Variants in ZNF433 observed in about 807,000 individuals in gnomAD.
The protein encoded by ZNF433 is zinc finger protein 433.
A neutral mutation model predicts 10.6 loss-of-function variants in ZNF433; 12 were observed. The observed-to-expected ratio is 1.13, with a 90% CI of 0.72 to 1.83. The LOEUF (loss-of-function observed/expected upper bound fraction) is 1.83. ZNF433 is among the 40% of genes most tolerant of loss of function. The pLI is 0.00. For synonymous variants in ZNF433, 272 were observed against 271.3 expected (o/e 1.00, Z -0.02); for missense variants, 737 against 798.0 (o/e 0.92, Z 0.92).
chr19:12,033,673 T>C (rs1487302999), intron 1 of ZNF433, among the ~76,000 whole-genome samples: 1 of 150,752 alleles, frequency 6.6e-6, no homozygotes, highest in African/African-American at 2.4e-5. Flanking sequence ...ATACAAAAAA[T>C]TAGCCAGGCG....
chr19:12,022,199 AAAC>A (rs2145434890), intron 1 of ZNF433: 1 of 363,656 alleles, frequency 2.7e-6, no homozygotes, highest in Non-Finnish European at 5.7e-6. Flanking sequence ...CCTAAACCAC[AAAC>A]AATAGCGTAA....
intron 1 of ZNF433, chr19:12,024,561 T>G (rs1383173822): frequency 2.0e-5 from 3 of 152,230 alleles, no homozygotes; most frequent in African/African-American, 7.2e-5. Context: ...AGTAATCTGT[T>G]TTCTATCCTT....
At chr19:12,024,741 A>C (rs768495584) in intron 1 of ZNF433, 3 of 152,248 alleles carry the variant, frequency 2.0e-5, no homozygotes, top group Non-Finnish European at 4.4e-5. Context: ...ATTGTCCAAG[A>C]GCAGGACTTA....
chr19:12,021,924 G>A (rs575122088), intron 1 of ZNF433: 39 of 456,894 alleles, frequency 8.5e-5, no homozygotes, highest in African/African-American at 7.2e-4. Context: ...CTAGGGTAGA[G>A]CTTACCTCCT....
chr19:12,030,264 A>ACCTGCTATAGT (rs1248748571), intron 1 of ZNF433: 15 of 405,014 alleles, frequency 3.7e-5, no homozygotes, highest in Non-Finnish European at 6.3e-5. Context: ...CACCGTCACC[A>ACCTGCTATAGT]GGATGGAGTG....
At chr19:12,019,510 T>C (rs1285936338) in intron 1 of ZNF433, among the ~76,000 whole-genome samples, 4 of 152,172 alleles carry the variant, frequency 2.6e-5, no homozygotes, top group African/African-American at 9.7e-5. Context: ...TGGCTCAGCT[T>C]CTATGGAAAC....
intron 1 of ZNF433, among the ~76,000 whole-genome samples, chr19:12,030,733 T>C (rs1974977017): frequency 6.6e-6 from 1 of 152,148 alleles, no homozygotes; most frequent in Non-Finnish European, 1.5e-5. Flanking sequence ...ACTAAGCATT[T>C]GCAAGCACAA....
intron 1 of ZNF433, among the ~76,000 whole-genome samples, chr19:12,027,718 C>T (rs1295794998): frequency 3.3e-5 from 5 of 152,178 alleles, no homozygotes; most frequent in South Asian, 2.1e-4. Context: ...CCGTCAGCCC[C>T]GATTTGCCAC....
chr19:12,033,681 G>A (rs1002897112), intron 1 of ZNF433, among the ~76,000 whole-genome samples: 27 of 150,504 alleles, frequency 1.8e-4, no homozygotes, highest in African/African-American at 6.1e-4. Context: ...AATTAGCCAG[G>A]CGTGGTGACG....
In ZNF433 at chr19:12,026,914, T is replaced by C. The variant is rs981944735; in HGVS notation, c.4-8622A>G. 8 of 454,004 alleles carry C rather than the reference T, an allele frequency of 1.8e-5. No homozygotes were observed. In the East Asian group the frequency reaches 3.5e-4, roughly 20 times the overall value. 28.1% of individuals were successfully genotyped at this position (454,004 alleles called of 1,614,324 possible). A position where few individuals can be genotyped will look rare whatever the true frequency, so the allele number is the denominator to read the frequency against. On this transcript the variant is annotated intron_variant, in intron 1 of 3. Transcript: ENST00000550507. ...CAAGAGTTCCTATTATCTGGAAACA[T>C]GGTGGTATAGTGGCACCTCAACCTC...
intron 1 of ZNF433, among the ~76,000 whole-genome samples, chr19:12,020,714 C>G (rs1009238394): frequency 6.6e-6 from 1 of 151,794 alleles, no homozygotes; most frequent in Admixed American, 6.6e-5. Flanking sequence ...GTCAGGAGTT[C>G]GAGACCAGAC....
intron 3 of ZNF433, 44 bp downstream of exon 3, chr19:12,017,832 G>T: frequency 2.0e-5 from 22 of 1,118,564 alleles, no homozygotes; most frequent in South Asian, 5.6e-5. Flanking sequence ...CCCATTCTAA[G>T]ATTTTCTAGA....
intron 1 of ZNF433, among the ~76,000 whole-genome samples, chr19:12,032,145 G>T (rs1654961856): frequency 6.6e-6 from 1 of 151,634 alleles, no homozygotes; most frequent in African/African-American, 2.4e-5. Flanking sequence ...TCACCATGTT[G>T]GCCAGGATGG....
rs1405319020 is a variant in ZNF433 at position 12,035,630 on chromosome 19, G to C, written c.-91C>G. The C allele has an allele frequency of 3.2e-5, 48 of 1,512,394 alleles. No individual in the cohort carries two copies. The highest frequency in any genetic ancestry group is 4.2e-5 in the Non-Finnish European group (47 of 1,120,886). The allele number at this position is 1,512,394 out of a possible 1,614,324, so 93.7% of individuals were successfully genotyped here. A position where few individuals can be genotyped will look rare whatever the true frequency, so the allele number is the denominator to read the frequency against. ...AGAGGCACCTGAACCCTCTCGGAGG[G>C]GAAAGCCAGGCTCCCAACCTCAGCT... On this transcript the variant is annotated 5_prime_UTR_variant, in exon 1 of 4. Transcript: ENST00000550507.
intron 3 of ZNF433, 101 bp from the exon 4 acceptor site, chr19:12,016,767 G>C (rs1370298881): frequency 2.8e-6 from 4 of 1,405,372 alleles, no homozygotes; most frequent in Non-Finnish European, 3.8e-6. Flanking sequence ...TTTTTGAGAT[G>C]GAGTCTCACT....
chr19:12,021,798 C>T (rs1974506881), intron 1 of ZNF433: 1 of 354,670 alleles, frequency 2.8e-6, no homozygotes, highest in Admixed American at 2.9e-5. Flanking sequence ...GACTACCTCC[C>T]ACTCACAAAA....
chr19:12,024,926 C>T (rs1253483748), intron 1 of ZNF433: 1 of 152,196 alleles, frequency 6.6e-6, no homozygotes, highest in African/African-American at 2.4e-5. Context: ...CTTTTATAAA[C>T]AGTCTTACTT....
intron 1 of ZNF433, among the ~76,000 whole-genome samples, chr19:12,020,790 G>A (rs917319972): frequency 9.7e-4 from 148 of 151,824 alleles, no homozygotes; most frequent in African/African-American, 3.4e-3. Flanking sequence ...AGTGATGCGC[G>A]CTACTGGGAA....
rs1296908130 is a variant in ZNF433 at position 12,017,875 on chromosome 19, CCT to C, written c.190_191del (p.Arg64AsnfsTer8). 2 of 1,579,952 alleles carry C rather than the reference CCT, an allele frequency of 1.3e-6. No individual in the cohort carries two copies. Among genetic ancestry groups the C allele is most frequent in the Non-Finnish European group, 1.7e-6 (2 of 1,165,720 alleles). ...VEYENLRRNLRIVGERLFESK... is the reference protein window; with the variant it reads ...VEYENLRRNLXIVGERLFESK... ...GTCTTTGTCATGTGAGTGCAAGTTA[CCT>C]TAGGTTTCTCCTTAGATTTTCGTAC... On this transcript the variant is annotated frameshift_variant and splice_region_variant, in exon 3 of 4. Coordinates refer to ENST00000550507, the MANE Select transcript of ZNF433 (RefSeq NM_001308348.2). LOFTEE classifies it low-confidence loss of function (END_TRUNC).
Sources: allele counts gnomAD v4.1 joint callset (sites outside exome capture counted in the v4.1 genomes callset), GRCh38; gene constraint gnomAD v4.1.1; transcripts MANE v1.5; gene names NCBI Gene and HGNC (gene_info 2026-07-23, HGNC 2026-07-21).